The following MID1 variants were observed in gnomAD, a reference collection of about 807,000 sequenced individuals.
The protein encoded by MID1 is midline 1.
A neutral mutation model predicts 40.4 loss-of-function variants in MID1; 7 were observed. The observed-to-expected ratio is 0.17, with a 90% CI of 0.10 to 0.33. MID1 has a LOEUF of 0.33. Among genes scored for constraint, MID1 ranks in the 10% least tolerant of loss-of-function variants. The pLI is 1.00. For synonymous variants in MID1, 229 were observed against 221.2 expected (o/e 1.04, Z -0.31); for missense variants, 367 against 558.5 (o/e 0.66, Z 3.46).
intron 2 of MID1, among the ~76,000 whole-genome samples, chrX:10,561,098 A>G (rs747552483): frequency 1.9e-5 from 2 of 107,409 alleles, no homozygotes; most frequent in Non-Finnish European, 3.8e-5. Context: ...GACAAACCTG[A>G]CAAAAACAAG....
chrX:10,585,974 C>T (rs1481559653), intron 1 of MID1, among the ~76,000 whole-genome samples: 3 of 111,008 alleles, frequency 2.7e-5, no homozygotes, highest in Non-Finnish European at 5.7e-5. Flanking sequence ...TTACTTGTAT[C>T]GTTTATGAGC....
chrX:10,767,732 A>C (rs2043740843), intron 1 of MID1, among the ~76,000 whole-genome samples: 1 of 112,114 alleles, frequency 8.9e-6, no homozygotes, highest in Admixed American at 9.5e-5. Context: ...TGACCTTTCA[A>C]TTCTCTCAAT....
chrX:10,762,845 T>C (rs769633270), intron 1 of MID1, among the ~76,000 whole-genome samples: 75 of 111,857 alleles, frequency 6.7e-4, no homozygotes, highest in African/African-American at 2.4e-3. Context: ...CACAAATAAG[T>C]ATCAGATATA....
At chrX:10,764,250 G>T (rs1602563494) in intron 1 of MID1, among the ~76,000 whole-genome samples, 1 of 111,515 alleles carries the variant, frequency 9.0e-6, no homozygotes, top group Non-Finnish European at 1.9e-5. Flanking sequence ...CCATGCCTAT[G>T]TCCTGAATGG....
In MID1 at chrX:10,616,040, G is replaced by C. The variant is rs1354168324; in HGVS notation, c.-57+4250C>G. On this transcript the variant is annotated intron_variant, in intron 1 of 9. Coordinates refer to ENST00000317552, the MANE Select transcript of MID1 (RefSeq NM_000381.4). ...GCTAACTAATTGTTCCAAATAAGCAGAGCAATTCTCTCTGACTCTGCCTCG... is the reference window on the plus strand; with the variant it reads ...GCTAACTAATTGTTCCAAATAAGCACAGCAATTCTCTCTGACTCTGCCTCG... 2.7e-5 allele frequency among the ~76,000 whole-genome samples: 3 copies of C among 111,960 alleles called. No individual in the cohort carries two copies. In the East Asian group the frequency reaches 8.4e-4, roughly 31 times the overall value.
At chrX:10,692,193 C>T (rs191034401) in intron 1 of MID1, among the ~76,000 whole-genome samples, 242 of 111,280 alleles carry the variant, frequency 2.2e-3, no homozygotes, top group South Asian at 3.9e-3. Flanking sequence ...ACTTCCTGTT[C>T]GTACACCCCC....
intron 1 of MID1, among the ~76,000 whole-genome samples, chrX:10,803,246 AATAAAT>A (rs1356584298): frequency 8.9e-6 from 1 of 111,823 alleles, no homozygotes; most frequent in East Asian, 2.8e-4. Context: ...CAAAAATATA[AATAAAT>A]ATAAAGTTCT....
chrX:10,538,159 G>A (rs1039974503), intron 2 of MID1, among the ~76,000 whole-genome samples: 1 of 110,757 alleles, frequency 9.0e-6, no homozygotes, highest in African/African-American at 3.3e-5. Context: ...TTTTGGTAGA[G>A]ACGAGGTTTC....
In MID1 at chrX:10,785,547, C is replaced by T. The variant is rs1269234139; in HGVS notation, c.-187+48007G>A. On this transcript the variant is annotated intron_variant, in intron 1 of 10. Coordinates refer to the MID1 transcript ENST00000380785. ...CAAAAGAACAAAGCTGGAGGCATCA[C>T]GCTACCTGACTTCAAACTATACTAC... is the stretch of plus-strand genomic sequence containing the variant. Among the ~76,000 whole-genome samples the T allele has an allele frequency of 2.6e-3, 287 of 111,317 alleles. 1 individual carries two copies. The highest frequency in any genetic ancestry group is 8.9e-3 in the African/African-American group (273 of 30,596).
intron 1 of MID1, among the ~76,000 whole-genome samples, chrX:10,736,187 G>A (rs1453148531): frequency 9.0e-6 from 1 of 110,724 alleles, no homozygotes; most frequent in Non-Finnish European, 1.9e-5. Context: ...CACCGTGTTA[G>A]CCAGGATGGT....
At chrX:10,736,977 T>TTA (rs1356481916) in intron 1 of MID1, among the ~76,000 whole-genome samples, 1 of 112,034 alleles carries the variant, frequency 8.9e-6, no homozygotes, top group East Asian at 2.8e-4. Flanking sequence ...CATGTATAGT[T>TTA]TATATATATA....
At chrX:10,681,983 T>C (rs1316047885) in intron 1 of MID1, among the ~76,000 whole-genome samples, 1 of 111,644 alleles carries the variant, frequency 9.0e-6, no homozygotes, top group East Asian at 2.8e-4. Context: ...GTGCCTATAG[T>C]GAAAACATTC....
At chrX:10,766,293 G>T (rs1410376658) in intron 1 of MID1, among the ~76,000 whole-genome samples, 1 of 111,778 alleles carries the variant, frequency 8.9e-6, no homozygotes, top group Non-Finnish European at 1.9e-5. Flanking sequence ...ATATGTAGGG[G>T]ACTACTACAG....
intron 1 of MID1, among the ~76,000 whole-genome samples, chrX:10,731,789 G>A (rs767479001): frequency 1.7e-4 from 18 of 108,523 alleles, no homozygotes; most frequent in Non-Finnish European, 2.5e-4. Context: ...CGAAAACACC[G>A]TCTCTATTAA....
chrX:10,487,857 C>T (rs1191923336), intron 4 of MID1, among the ~76,000 whole-genome samples: 1 of 111,403 alleles, frequency 9.0e-6, no homozygotes, highest in African/African-American at 3.3e-5. Flanking sequence ...TTTTTATTGC[C>T]AAAGAGTATT....
chrX:10,706,336 T>A (rs767547059), intron 1 of MID1, among the ~76,000 whole-genome samples: 8 of 110,796 alleles, frequency 7.2e-5, no homozygotes, highest in Admixed American at 1.9e-4. Flanking sequence ...TCTAGAAAAG[T>A]AAAAATAATC....
At chrX:10,466,148 T>G (rs1355087220) in intron 7 of MID1, among the ~76,000 whole-genome samples, 1 of 111,804 alleles carries the variant, frequency 8.9e-6, no homozygotes, top group Non-Finnish European at 1.9e-5. Flanking sequence ...ATCTCTCCAT[T>G]TTCTACCTGC....
At chrX:10,785,421 C>A (rs2043875513) in intron 1 of MID1, among the ~76,000 whole-genome samples, 1 of 111,177 alleles carries the variant, frequency 9.0e-6, no homozygotes, top group African/African-American at 3.3e-5. Context: ...AATGCCATCC[C>A]CATCAAGCTA....
intron 1 of MID1, among the ~76,000 whole-genome samples, chrX:10,720,184 G>C (rs1372726118): frequency 4.4e-4 from 49 of 111,616 alleles, no homozygotes; most frequent in South Asian, 1.5e-3. Flanking sequence ...CAACAAAAGC[G>C]AAAATTGACA....
Sources: allele counts gnomAD v4.1 joint callset (sites outside exome capture counted in the v4.1 genomes callset), GRCh38; gene constraint gnomAD v4.1.1; transcripts MANE v1.5; gene names NCBI Gene and HGNC (gene_info 2026-07-23, HGNC 2026-07-21).